ABCA4: variants seen among roughly 807,000 people sequenced by gnomAD.
ABCA4 encodes ATP binding cassette subfamily A member 4.
Under a neutral mutation model 263.7 loss-of-function variants are expected in ABCA4, and 196 were observed. The observed-to-expected ratio is 0.74, with a 90% confidence interval of 0.66 to 0.84. The LOEUF (loss-of-function observed/expected upper bound fraction) is 0.84, where lower values mean the gene tolerates loss of function less well. Among genes scored for constraint, ABCA4 ranks in the 40% least tolerant of loss-of-function variants. The pLI is 0.00. For missense variants in ABCA4, 2,792 were observed against 2,855.1 expected (o/e 0.98, Z 0.50); for synonymous variants, 1,133 against 1,094.2 (o/e 1.04, Z -0.70).
At chr1:94,044,531 C>T in intron 20 of ABCA4, 82 bp downstream of exon 20, 1 of 1,609,700 alleles carries the variant, frequency 6.2e-7, no homozygotes. Flanking sequence ...GCCTGGCACC[C>T]CTGAGCTGGG....
In ABCA4 at chr1:94,060,752, T is replaced by A. The variant is rs374458630; in HGVS notation, c.1945A>T (p.Ile649Phe). The A allele has an allele frequency of 6.2e-6, 10 of 1,610,886 alleles. No individual in the cohort carries two copies. The African/African-American group carries it at 1.3e-4, about 22-fold the overall frequency. ...YPCFVDDSFM[I>F]ILNRCFPIFM... ...ATAGGGAAACAGCGGTTCAGGATGATCATGAAACTAAAGCAAAAGGAGAGA... is the reference window on the plus strand; with the variant it reads ...ATAGGGAAACAGCGGTTCAGGATGAACATGAAACTAAAGCAAAAGGAGAGA... The change falls in exon 14 of 50, where the codon ATC (isoleucine) becomes TTC (phenylalanine). Residue 649 changes from isoleucine (I) to phenylalanine (F), a missense_variant. Coordinates refer to ENST00000370225, the MANE Select transcript of ABCA4 (RefSeq NM_000350.3).
At chr1:94,086,378 T>C (rs1661828402) in intron 6 of ABCA4, among the ~76,000 whole-genome samples, 1 of 152,216 alleles carries the variant, frequency 6.6e-6, no homozygotes, top group Non-Finnish European at 1.5e-5. Flanking sequence ...AAATTTGGTC[T>C]TTTTATCTTG....
Position 94,015,800 on chromosome 1 carries a change from T to C in ABCA4, c.5251A>G (p.Lys1751Glu), listed in dbSNP as rs1330632924. The C allele has an allele frequency of 6.2e-7, 1 of 1,613,996 alleles. No individual in the cohort carries two copies. The highest frequency in any genetic ancestry group is 1.1e-5 in the South Asian group (1 of 91,026). Residue 1751 changes from lysine (K) to glutamate (E), a missense_variant, in exon 37 of 50, where the codon AAG becomes GAG. Transcript: ENST00000370225. The part of the protein sequence containing the change: ...LVVGIFIGFQ[K>E]KAYTSPENLP... ...TTTTCTGGAGAAGTGTAGGCTTTCT[T>C]CTGAAACCCGATGAAGATGCCCACC...
At chr1:94,051,809 T>C (rs771509267) in intron 16 of ABCA4, 111 bp from the exon 17 acceptor site, 50 of 825,974 alleles carry the variant, frequency 6.1e-5, no homozygotes, top group Non-Finnish European at 8.8e-5. Context: ...ATTGTAACTA[T>C]AGATATTTGC....
Position 94,029,582 on chromosome 1 carries a change from G to T in ABCA4, c.4402C>A (p.Pro1468Thr), listed in dbSNP as rs775082837. 4 of 1,614,030 alleles carry T rather than the reference G, an allele frequency of 2.5e-6. No individual in the cohort carries two copies. Among genetic ancestry groups the T allele is most frequent in the Admixed American group, 3.3e-5 (2 of 60,010 alleles). Residue 1468 changes from proline to threonine, a missense_variant, in exon 30 of 50, where the codon CCA (proline) becomes ACA (threonine). By Grantham distance (38) the Pro-to-Thr change is conservative. Coordinates refer to ENST00000370225, the MANE Select transcript of ABCA4 (RefSeq NM_000350.3). ...TTCTGGAACAGCTGGGTGATGTTTGGGGACACAGAAGGAGTCTTCCAGGGT... is the reference window on the plus strand; with the variant it reads ...TTCTGGAACAGCTGGGTGATGTTTGTGGACACAGAAGGAGTCTTCCAGGGT... Reference protein sequence around the residue: ...STPWKTPSVSPNITQLFQKQK... With the variant: ...STPWKTPSVSTNITQLFQKQK...
At chr1:94,024,888 T>G (rs1659993071) in intron 31 of ABCA4, 66 bp downstream of exon 31, 1 of 1,364,374 alleles carries the variant, frequency 7.3e-7, no homozygotes, top group Admixed American at 1.7e-5. Flanking sequence ...GAAAATTATC[T>G]TCTGTCCCTA....
At position 94,010,877 on chromosome 1, in the gene ABCA4, C is replaced by T. The variant is rs1337329394; in HGVS notation, c.5637G>A (p.Leu1879=). The change falls in exon 40 of 50, where the codon CTG becomes CTA. Residue 1879 remains leucine, a synonymous_variant. Coordinates refer to ENST00000370225, the MANE Select transcript of ABCA4 (RefSeq NM_000350.3). ...CCACCCCTTCCACCACCATGGCAAA[C>T]AGGTTCTTCCCAATCAGGTCCCAGT... is the stretch of plus-strand genomic sequence containing the variant. ...PFHWDLIGKN[L]FAMVVEGVVY... is the part of the protein sequence containing the mutation. 2 of 1,614,126 alleles carry T rather than the reference C, an allele frequency of 1.2e-6. No homozygotes were observed. Among genetic ancestry groups the T allele is most frequent in the Middle Eastern group, 1.6e-4 (1 of 6,062 alleles).
Position 94,069,475 on chromosome 1 carries a change from T to C in ABCA4, c.1555-6158A>G, listed in dbSNP as rs527988741. Among the ~76,000 whole-genome samples, 115 of 152,254 alleles carry C rather than the reference T, an allele frequency of 7.6e-4. 1 individual carries two copies. Among genetic ancestry groups the C allele is most frequent in the Middle Eastern group, 3.4e-3 (1 of 294 alleles). The stretch of plus-strand genomic sequence containing the variant: ...AAGGGAGCCACTGCCCGCTTAGAGA[T>C]GTTGGCTGTATAATCCCGCCTCTCA... On this transcript the variant is annotated intron_variant, in intron 11 of 49. Transcript: ENST00000370225.
intron 44 of ABCA4, among the ~76,000 whole-genome samples, chr1:94,004,130 C>T (rs1659304021): frequency 6.6e-6 from 1 of 152,140 alleles, no homozygotes; most frequent in Non-Finnish European, 1.5e-5. Context: ...GTTTTTGCTT[C>T]TTGAGCCTTT....
At chr1:94,064,855 A>G (rs909197611) in intron 11 of ABCA4, among the ~76,000 whole-genome samples, 2 of 152,210 alleles carry the variant, frequency 1.3e-5, no homozygotes, top group African/African-American at 2.4e-5. Context: ...GGCAGGCCTT[A>G]AACAGCCACA....
chr1:94,036,902 C>T (rs1450374096), intron 25 of ABCA4, 114 bp from the exon 26 acceptor site: 42 of 1,056,962 alleles, frequency 4.0e-5, no homozygotes, highest in South Asian at 1.3e-4. Flanking sequence ...AAATCCATTA[C>T]GACTCTATCT....
intron 43 of ABCA4, 140 bp from the exon 44 acceptor site, chr1:94,005,722 A>C (rs992592207): frequency 7.3e-5 from 55 of 749,280 alleles, no homozygotes; most frequent in Non-Finnish European, 1.2e-4. Context: ...AATGCATGGG[A>C]TATTTGGGAA....
chr1:94,018,459 A>G (rs1309228516), intron 36 of ABCA4: 2 of 432,432 alleles, frequency 4.6e-6, no homozygotes, highest in Non-Finnish European at 9.3e-6. Context: ...TAGACAGAAG[A>G]GAGAGGAAAT....
intron 35 of ABCA4, 39 bp from the exon 36 acceptor site, chr1:94,019,798 G>T (rs780158041): frequency 6.3e-7 from 1 of 1,591,556 alleles, no homozygotes; most frequent in Non-Finnish European, 8.6e-7. Context: ...GGGCGATGAA[G>T]AGGGAAGAGC....
intron 38 of ABCA4, among the ~76,000 whole-genome samples, chr1:94,013,207 G>A (rs549166154): frequency 8.0e-6 from 1 of 125,218 alleles, no homozygotes; most frequent in Non-Finnish European, 1.8e-5. Context: ...CATCTGCTGG[G>A]GCTGTGTTCT....
intron 36 of ABCA4, 26 bp downstream of exon 36, chr1:94,019,556 G>A (rs1659836922): frequency 1.3e-6 from 2 of 1,578,594 alleles, no homozygotes; most frequent in Admixed American, 1.8e-5. Flanking sequence ...ACGGAGGGGA[G>A]GGAGGCGCTG....
intron 37 of ABCA4, 27 bp from the exon 38 acceptor site, chr1:94,014,717 G>A (rs1052108236): frequency 1.9e-6 from 3 of 1,613,958 alleles, no homozygotes; most frequent in Admixed American, 1.7e-5. Context: ...AACTCAGAGT[G>A]ATGGAGTTCC....
intron 11 of ABCA4, among the ~76,000 whole-genome samples, chr1:94,066,775 CAAG>C (rs998236275): frequency 1.3e-5 from 2 of 152,220 alleles, no homozygotes; most frequent in Middle Eastern, 3.2e-3. Flanking sequence ...CATCCCTGAA[CAAG>C]AAGATCTTCT....
intron 5 of ABCA4, among the ~76,000 whole-genome samples, chr1:94,099,558 A>G (rs907970785): frequency 6.6e-6 from 1 of 152,232 alleles, no homozygotes; most frequent in Non-Finnish European, 1.5e-5. Flanking sequence ...CCCTTCTTAC[A>G]GCATGATGTT....
Sources: gnomAD v4.1 joint callset for allele counts (sites outside exome capture counted in the v4.1 genomes callset) on GRCh38, gnomAD v4.1.1 for gene constraint, MANE v1.5 for transcripts, NCBI Gene and HGNC (gene_info 2026-07-23, HGNC 2026-07-21) for gene names.